Variants in PDK1 observed in about 807,000 individuals in gnomAD.
The protein encoded by PDK1 is [Pyruvate dehydrogenase (acetyl-transferring)] kinase isozyme 1, mitochondrial.
Under a neutral mutation model 54.2 loss-of-function variants are expected in PDK1, and 39 were observed. That is an observed-to-expected ratio of 0.72 (90% CI 0.56 to 0.94). The LOEUF (loss-of-function observed/expected upper bound fraction) is 0.94, where lower values mean the gene tolerates loss of function less well. PDK1 is among the 40% of genes least tolerant of loss of function. PDK1 has a pLI of 0.00. For missense variants in PDK1, 552 were observed against 566.0 expected (o/e 0.98, Z 0.25); for synonymous variants, 221 against 207.1 (o/e 1.07, Z -0.58).
intron 1 of PDK1, 116 bp from the exon 2 acceptor site, chr2:172,558,592 G>A (rs1688481987): frequency 2.3e-6 from 2 of 857,344 alleles, no homozygotes; most frequent in South Asian, 1.9e-5. Flanking sequence ...GCCCCATCGT[G>A]GTGATTCTAT....
chr2:172,616,037 C>G, the PDK1 span, among the ~76,000 whole-genome samples: 1 of 152,140 alleles, frequency 6.6e-6, no homozygotes, highest in Non-Finnish European at 1.5e-5. Flanking sequence ...GCTTAGTAAT[C>G]AAGGAAGTAC....
At chr2:172,636,106 C>T in the PDK1 span, among the ~76,000 whole-genome samples, 1 of 152,344 alleles carries the variant, frequency 6.6e-6, no homozygotes, top group Admixed American at 6.5e-5. Context: ...AGCACACAGT[C>T]ACCTCCACAA....
At chr2:172,700,930 T>G in the PDK1 span, among the ~76,000 whole-genome samples, 1 of 151,976 alleles carries the variant, frequency 6.6e-6, no homozygotes, top group Non-Finnish European at 1.5e-5. Context: ...GCAGGGAGGT[T>G]GCAGTGAGTC....
chr2:172,652,291 A>G, the PDK1 span, among the ~76,000 whole-genome samples: 1 of 152,240 alleles, frequency 6.6e-6, no homozygotes, highest in Non-Finnish European at 1.5e-5. Context: ...AAAATTCTCA[A>G]TAAACTAGGA....
the PDK1 span, among the ~76,000 whole-genome samples, chr2:172,644,250 TG>T: frequency 2.6e-5 from 4 of 152,316 alleles, no homozygotes; most frequent in South Asian, 6.2e-4. Context: ...AACAAGGAGT[TG>T]GGCTGCTGCG....
chr2:172,634,262 A>ATAT, the PDK1 span, among the ~76,000 whole-genome samples: 98 of 139,470 alleles, frequency 7.0e-4, no homozygotes, highest in African/African-American at 1.1e-3. Flanking sequence ...AAATCTATTT[A>ATAT]TATTATTATT....
At chr2:172,668,718 G>A in the PDK1 span, among the ~76,000 whole-genome samples, 1 of 148,656 alleles carries the variant, frequency 6.7e-6, no homozygotes, top group Non-Finnish European at 1.5e-5. Flanking sequence ...TCCAGCAGAA[G>A]GAAGAAATGT....
In PDK1 at chr2:172,606,384, C is replaced by A. The variant is rs1163531915; in HGVS notation, c.*10415C>A. 2.0e-5 allele frequency: 3 copies of A among 152,150 alleles called. No homozygotes were observed. Among genetic ancestry groups the A allele is most frequent in the Admixed American group, 2.0e-4 (3 of 15,272 alleles). The allele number at this position is 152,150 out of a possible 1,614,324, so 9.4% of individuals were successfully genotyped here. A position where few individuals can be genotyped will look rare whatever the true frequency, so the allele number is the denominator to read the frequency against. On this transcript the variant is annotated 3_prime_UTR_variant, in exon 11 of 11. Coordinates refer to ENST00000282077, the MANE Select transcript of PDK1 (RefSeq NM_002610.5). ...GAATACTTACCATTTTTGTGGAAGC[C>A]CACAACCTTTTGAATGGCCTTTCTA...
chr2:172,687,543 T>C, the PDK1 span, among the ~76,000 whole-genome samples: 1 of 152,182 alleles, frequency 6.6e-6, no homozygotes, highest in Non-Finnish European at 1.5e-5. Context: ...ATACTCATCC[T>C]CTTTTTCCCC....
chr2:172,622,979 C>T, the PDK1 span, among the ~76,000 whole-genome samples: 5 of 150,482 alleles, frequency 3.3e-5, no homozygotes, highest in African/African-American at 9.7e-5. Flanking sequence ...CCTATTAGTT[C>T]TGTCCCTCTA....
At chr2:172,660,245 CTCTTTTTTTTTTTTT>C in the PDK1 span, among the ~76,000 whole-genome samples, 1 of 55,630 alleles carries the variant, frequency 1.8e-5, no homozygotes, top group Admixed American at 2.4e-4. Flanking sequence ...CTCTCTCTCT[CTCTTTTTTTTTTTTT>C]TTTTTTTTTT....
chr2:172,588,753 G>A (rs1014345723), intron 9 of PDK1, among the ~76,000 whole-genome samples: 21 of 152,182 alleles, frequency 1.4e-4, no homozygotes, highest in South Asian at 4.1e-4. Flanking sequence ...ACCTGGTTAC[G>A]GAGGGCTTCC....
the PDK1 span, among the ~76,000 whole-genome samples, chr2:172,660,902 G>T: frequency 6.6e-6 from 1 of 152,050 alleles, no homozygotes; most frequent in African/African-American, 2.4e-5. Context: ...TACCTGTCTG[G>T]CAAGGGAAGA....
rs1264355247 is a variant in PDK1, at chr2:172,607,684, C to T, written c.*11715C>T. 1 of 152,234 alleles carries T rather than the reference C, an allele frequency of 6.6e-6. No individual in the cohort carries two copies. The highest frequency in any genetic ancestry group is 1.5e-5 in the Non-Finnish European group (1 of 68,102). The allele number at this position is 152,234 out of a possible 1,614,324, so 9.4% of individuals were successfully genotyped here. ...TGGCCAAACTCAGAGTGGAGGCTGA[C>T]CCTGTATCTGGTTGTAGCAGAGTCG... On this transcript the variant is annotated 3_prime_UTR_variant, in exon 11 of 11. Transcript: ENST00000282077.
rs1691345100 is a variant in PDK1 at position 172,607,779 on chromosome 2, G to GC, written c.*11811dup. On this transcript the variant is annotated 3_prime_UTR_variant, in exon 11 of 11. Transcript: ENST00000282077. ...GAAGGCAGCAGGGGAAGGAAAAGGA[G>GC]CAGGGGATAGGGGAACTTTAGGAGC... is the stretch of plus-strand genomic sequence containing the variant. The GC allele has an allele frequency of 6.5e-6, 1 of 153,284 alleles. No individual in the cohort carries two copies. The highest frequency in any genetic ancestry group is 6.5e-5 in the Admixed American group (1 of 15,288). 9.5% of individuals were successfully genotyped at this position (153,284 alleles called of 1,614,324 possible).
chr2:172,709,445 C>T, the PDK1 span, among the ~76,000 whole-genome samples: 21,377 of 152,178 alleles, frequency 0.14, 1,976 homozygotes, highest in Non-Finnish European at 0.21. Context: ...GAAGTTAGTT[C>T]TGTTAGGGAA....
chr2:172,642,679 G>A, the PDK1 span, among the ~76,000 whole-genome samples: 26 of 152,224 alleles, frequency 1.7e-4, no homozygotes, highest in African/African-American at 6.3e-4. Context: ...CAGGGTGGCC[G>A]GTCCCATCCT....
At chr2:172,613,929 T>C in the PDK1 span, among the ~76,000 whole-genome samples, 1 of 151,864 alleles carries the variant, frequency 6.6e-6, no homozygotes, top group Non-Finnish European at 1.5e-5. Flanking sequence ...CAAGCTTCCC[T>C]GTGTTTTTGA....
chr2:172,688,071 G>T, the PDK1 span, among the ~76,000 whole-genome samples: 1 of 152,184 alleles, frequency 6.6e-6, no homozygotes, highest in Admixed American at 6.5e-5. Context: ...GACTACTTTT[G>T]CTTTCACCCT....
Sources: allele counts gnomAD v4.1 joint callset (sites outside exome capture counted in the v4.1 genomes callset), GRCh38; gene constraint gnomAD v4.1.1; transcripts MANE v1.5; gene names NCBI Gene and HGNC (gene_info 2026-07-23, HGNC 2026-07-21).